The following PDPR variants were observed in gnomAD, a reference collection of about 807,000 sequenced individuals.
The protein encoded by PDPR is pyruvate dehydrogenase phosphatase regulatory subunit, mitochondrial.
A neutral mutation model predicts 102.2 loss-of-function variants in PDPR; 50 were observed. That is an observed-to-expected ratio of 0.49 (90% CI 0.39 to 0.62). PDPR has a LOEUF of 0.62. Among genes scored for constraint, PDPR ranks in the 20% least tolerant of loss-of-function variants. The pLI, the probability that PDPR is intolerant of heterozygous loss-of-function variation, is 0.00. For missense variants in PDPR, 625 were observed against 1,098.2 expected (o/e 0.57, Z 6.09); for synonymous variants, 259 against 406.0 (o/e 0.64, Z 4.35).
At chr16:70,125,932 C>T (rs1360616599) in intron 3 of PDPR, among the ~76,000 whole-genome samples, 1 of 152,284 alleles carries the variant, frequency 6.6e-6, no homozygotes, top group Non-Finnish European at 1.5e-5. Flanking sequence ...CTGCACCCAG[C>T]CCTCAATCTT....
intron 3 of PDPR, among the ~76,000 whole-genome samples, chr16:70,121,241 G>C (rs930776832): frequency 2.8e-4 from 43 of 151,968 alleles, no homozygotes; most frequent in African/African-American, 1.0e-3. Context: ...TAGTTTCTCT[G>C]TGCTCGCCTT....
rs375616591 is a variant in PDPR at position 70,132,263 on chromosome 16, G to A, written c.960G>A (p.Leu320=). 2.5e-6 allele frequency: 4 copies of A among 1,613,872 alleles called. No individual in the cohort carries two copies. Among genetic ancestry groups the A allele is most frequent in the Non-Finnish European group, 3.4e-6 (4 of 1,179,840 alleles). Residue 320 remains leucine, a synonymous_variant, in exon 9 of 19, where the codon CTG becomes CTA. Transcript: ENST00000288050. ...TTTTCACTGAGGGCAAGAACCAGCT[G>A]GAGATTCAGAATCTACAGGAAGACT... is the stretch of plus-strand genomic sequence containing the variant. The part of the protein sequence containing the change: ...KPIFTEGKNQ[L]EIQNLQEDWD...
At chr16:70,142,807 C>CT (rs1249685178) in intron 13 of PDPR, 121 bp downstream of exon 13, 1 of 1,381,648 alleles carries the variant, frequency 7.2e-7, no homozygotes, top group Non-Finnish European at 1.0e-6. Flanking sequence ...GCCTGTATTC[C>CT]CAGCACTTTG....
chr16:70,148,989 G>A (rs1207539489), intron 17 of PDPR, among the ~76,000 whole-genome samples: 4 of 151,764 alleles, frequency 2.6e-5, no homozygotes, highest in Non-Finnish European at 2.9e-5. Flanking sequence ...CGACCTCTTG[G>A]GCTCAAGCCA....
intron 17 of PDPR, among the ~76,000 whole-genome samples, chr16:70,150,531 A>AT (rs71151175): frequency 0.029 from 3,999 of 138,224 alleles, 78 homozygotes; most frequent in East Asian, 0.1. Flanking sequence ...TTTTCTCTTA[A>AT]TTTTTTTTTT....
At chr16:70,121,753 G>T (rs1484382231) in intron 3 of PDPR, among the ~76,000 whole-genome samples, 1 of 149,982 alleles carries the variant, frequency 6.7e-6, no homozygotes. Flanking sequence ...TTTAGCTAAT[G>T]TTTTCTTATT....
chr16:70,131,842 T>A (rs1964568947), intron 8 of PDPR: 2 of 1,411,422 alleles, frequency 1.4e-6, no homozygotes, highest in South Asian at 1.2e-5. Context: ...GCAACCCCCC[T>A]CTCTGTTAAA....
At chr16:70,143,461 C>A in intron 13 of PDPR, 49 bp from the exon 14 acceptor site, 1 of 1,601,288 alleles carries the variant, frequency 6.2e-7, no homozygotes, top group Non-Finnish European at 8.5e-7. Flanking sequence ...TGTGGCCCAG[C>A]CAGGTGCTCT....
intron 17 of PDPR, among the ~76,000 whole-genome samples, chr16:70,151,396 C>G (rs749133237): frequency 9.2e-5 from 14 of 152,396 alleles, no homozygotes; most frequent in Non-Finnish European, 1.8e-4. Flanking sequence ...GCCACTGTGC[C>G]CAACCCTTTT....
chr16:70,142,704 A>G lies in PDPR; in HGVS notation c.1605+18A>G, dbSNP rs745794230. On this transcript the variant is annotated intron_variant, in intron 13 of 18. Transcript: ENST00000288050. ...AGATAACAGTAAGTATTTGGGAACC[A>G]AAAAGTAATAGATTAGGAAACTTTA... 9.6e-5 allele frequency: 132 copies of G among 1,376,664 alleles called. No homozygotes were observed. The highest frequency in any genetic ancestry group is 1.1e-4 in the Non-Finnish European group (114 of 1,019,860). 85.3% of individuals were successfully genotyped at this position (1,376,664 alleles called of 1,614,324 possible).
intron 2 of PDPR, 62 bp downstream of exon 2, chr16:70,114,992 CAAG>C (rs1962495215): frequency 6.6e-6 from 1 of 152,152 alleles, no homozygotes; most frequent in Non-Finnish European, 1.5e-5. Context: ...GGATTTGAAT[CAAG>C]AATCTCCAAG....
intron 9 of PDPR, among the ~76,000 whole-genome samples, chr16:70,135,671 T>C (rs1395246528): frequency 6.6e-6 from 1 of 152,274 alleles, no homozygotes; most frequent in African/African-American, 2.4e-5. Flanking sequence ...CTAACCAATA[T>C]CTTTTTTCCT....
rs150804172 is a variant in PDPR at position 70,120,193 on chromosome 16, G to A, written c.-32-268G>A. 1.8e-3 allele frequency: 633 copies of A among 344,056 alleles called. 8 individuals are homozygous for A. Among genetic ancestry groups the A allele is most frequent in the African/African-American group, 0.013 (600 of 46,950 alleles). 21.3% of individuals were successfully genotyped at this position (344,056 alleles called of 1,614,324 possible). A position where few individuals can be genotyped will look rare whatever the true frequency, so the allele number is the denominator to read the frequency against. ...GCCTCCCAAAGTGCTGGGATTACAG[G>A]TGTGAGCCACTGCGCCCAGCCTAAG... On this transcript the variant is annotated intron_variant, in intron 2 of 18. Coordinates refer to ENST00000288050, the MANE Select transcript of PDPR (RefSeq NM_017990.5).
rs1437280821 is a variant in PDPR, at chr16:70,119,305, C to G, written c.-32-1156C>G. 2.0e-5 allele frequency among the ~76,000 whole-genome samples: 3 copies of G among 152,064 alleles called. No homozygotes were observed. The East Asian group carries it at 5.8e-4, about 29-fold the overall frequency. ...CTACCATCCGCTCTCCACCATGGAG[C>G]CAGACTGACCTTTGGAAAACATCCC... On this transcript the variant is annotated intron_variant, in intron 2 of 18. Transcript: ENST00000288050.
intron 3 of PDPR, among the ~76,000 whole-genome samples, chr16:70,126,278 G>A (rs61258454): frequency 0.14 from 20,450 of 145,402 alleles, 1 homozygote; most frequent in African/African-American, 0.14. Context: ...GTGGCACAAT[G>A]CTAGCTCACT....
In PDPR at chr16:70,160,717, G is replaced by T. The variant is rs542954299; in HGVS notation, c.*3838G>T. The T allele has an allele frequency of 2.5e-4, 38 of 152,572 alleles. No homozygotes were observed. The highest frequency in any genetic ancestry group is 7.9e-4 in the African/African-American group (33 of 41,592). The allele number at this position is 152,572 out of a possible 1,614,324, so 9.5% of individuals were successfully genotyped here. A position where few individuals can be genotyped will look rare whatever the true frequency, so the allele number is the denominator to read the frequency against. The stretch of plus-strand genomic sequence containing the variant: ...CTAAAACATGAAAAGTAAACCTCCA[G>T]CTTCCACAGTATATTACCTGCCGTT... On this transcript the variant is annotated 3_prime_UTR_variant, in exon 19 of 19. Coordinates refer to ENST00000288050, the MANE Select transcript of PDPR (RefSeq NM_017990.5).
At chr16:70,123,947 C>T (rs1208584177) in intron 3 of PDPR, among the ~76,000 whole-genome samples, 35 of 152,114 alleles carry the variant, frequency 2.3e-4, no homozygotes, top group African/African-American at 8.5e-4. Flanking sequence ...CTCAGCTACT[C>T]GGGAGGCTGA....
At chr16:70,138,646 T>G (rs567257503) in intron 10 of PDPR, among the ~76,000 whole-genome samples, 2 of 152,390 alleles carry the variant, frequency 1.3e-5, no homozygotes, top group Non-Finnish European at 2.9e-5. Flanking sequence ...AGCCAATGTG[T>G]CTGGCTGGCT....
chr16:70,153,468 T>C lies in PDPR; in HGVS notation c.2130T>C (p.Leu710=). The C allele has an allele frequency of 1.9e-6, 3 of 1,613,832 alleles. No individual in the cohort carries two copies. Among genetic ancestry groups the C allele is most frequent in the South Asian group, 1.1e-5 (1 of 90,998 alleles). Residue 710 remains leucine (L), a synonymous_variant, in exon 18 of 19, where the codon CTT becomes CTC. Coordinates refer to ENST00000288050, the MANE Select transcript of PDPR (RefSeq NM_017990.5). ...TCCGGAATGCTGGGTATTACGCTCTTCGCAGTCTCCGAATTGAGAAGTTTT... is the reference window on the plus strand; with the variant it reads ...TCCGGAATGCTGGGTATTACGCTCTCCGCAGTCTCCGAATTGAGAAGTTTT... ...YGIRNAGYYA[L]RSLRIEKFFA...
Sources: gnomAD v4.1 joint callset for allele counts (sites outside exome capture counted in the v4.1 genomes callset) on GRCh38, gnomAD v4.1.1 for gene constraint, MANE v1.5 for transcripts, NCBI Gene and HGNC (gene_info 2026-07-23, HGNC 2026-07-21) for gene names.